The following PTPRN2 variants were observed in gnomAD, a reference collection of about 807,000 sequenced individuals.
The protein encoded by PTPRN2 is protein tyrosine phosphatase receptor type N2.
Under a neutral mutation model 118.8 loss-of-function variants are expected in PTPRN2, and 74 were observed. The ratio of observed to expected loss-of-function variants is 0.62; its 90% CI spans 0.52 to 0.76. PTPRN2 has a LOEUF of 0.76. Among genes scored for constraint, PTPRN2 ranks in the 30% least tolerant of loss-of-function variants. The pLI, the probability that PTPRN2 is intolerant of heterozygous loss-of-function variation, is 0.00. For synonymous variants in PTPRN2, 641 were observed against 608.0 expected (o/e 1.05, Z -0.80); for missense variants, 1,481 against 1,394.4 (o/e 1.06, Z -0.99).
intron 9 of PTPRN2, among the ~76,000 whole-genome samples, chr7:158,131,088 CACAT>C (rs1818212659): frequency 6.7e-6 from 1 of 148,298 alleles, no homozygotes; most frequent in South Asian, 2.2e-4. Context: ...TACACACACG[CACAT>C]ACACAGATAC....
chr7:157,564,498 C>T (rs556984267), intron 21 of PTPRN2, among the ~76,000 whole-genome samples: 9 of 152,274 alleles, frequency 5.9e-5, no homozygotes, highest in East Asian at 5.8e-4. Flanking sequence ...TAAAAAACCC[C>T]GATGTAATGG....
chr7:158,095,545 C>T (rs1227057652), intron 10 of PTPRN2, among the ~76,000 whole-genome samples: 2 of 152,106 alleles, frequency 1.3e-5, no homozygotes, highest in Non-Finnish European at 1.5e-5. Context: ...TGCCCAGGGC[C>T]TCACAGCAAG....
chr7:158,498,332 G>A (rs1290591334), intron 1 of PTPRN2, among the ~76,000 whole-genome samples: 5 of 152,154 alleles, frequency 3.3e-5, no homozygotes, highest in Non-Finnish European at 7.4e-5. Flanking sequence ...CCTTATTTCA[G>A]GTTCCTAATT....
intron 11 of PTPRN2, among the ~76,000 whole-genome samples, chr7:158,046,743 C>T (rs970740117): frequency 6.6e-6 from 1 of 152,166 alleles, no homozygotes; most frequent in East Asian, 1.9e-4. Context: ...CCTTGGCATG[C>T]TCTTGAGTTT....
intron 12 of PTPRN2, chr7:157,864,122 C>T (rs1340356035): frequency 1.3e-5 from 2 of 152,292 alleles, no homozygotes; most frequent in South Asian, 2.1e-4. Context: ...GAAAGCTGCT[C>T]TGAAGATGCA....
rs140997066 is a variant in PTPRN2 at position 157,934,139 on chromosome 7, C to T, written c.1724-35402G>A. Among the ~76,000 whole-genome samples the T allele has an allele frequency of 8.6e-3, 1,304 of 152,306 alleles. 5 individuals carry two copies. Among genetic ancestry groups the T allele is most frequent in the Non-Finnish European group, 0.014 (932 of 68,022 alleles). ...AGGGCACGTGTGCGGATCCATCTTG[C>T]CGCTGGTGACGTTCACTGGTATCAC... On this transcript the variant is annotated intron_variant, in intron 11 of 22. Transcript: ENST00000389418.
chr7:157,957,559 CTATTAA>C (rs1205067954), intron 11 of PTPRN2, among the ~76,000 whole-genome samples: 1 of 151,774 alleles, frequency 6.6e-6, no homozygotes, highest in Non-Finnish European at 1.5e-5. Context: ...TTATCTATTA[CTATTAA>C]TAATTATTAT....
At chr7:157,662,802 C>T (rs760672697) in intron 13 of PTPRN2, among the ~76,000 whole-genome samples, 7 of 152,180 alleles carry the variant, frequency 4.6e-5, no homozygotes, top group Non-Finnish European at 1.0e-4. Context: ...TTTTCCAGGG[C>T]GAGCCTTCTT....
At chr7:158,189,522 G>A (rs1324110665) in intron 5 of PTPRN2, among the ~76,000 whole-genome samples, 1 of 152,176 alleles carries the variant, frequency 6.6e-6, no homozygotes, top group Non-Finnish European at 1.5e-5. Context: ...CCGTGAAGAG[G>A]GCCCTTGGAC....
At chr7:158,128,470 T>C (rs1167909020) in intron 9 of PTPRN2, among the ~76,000 whole-genome samples, 1 of 152,098 alleles carries the variant, frequency 6.6e-6, no homozygotes, top group Non-Finnish European at 1.5e-5. Context: ...CCAAAAGGCA[T>C]GGCCGGCAAA....
In PTPRN2 at chr7:158,040,398, TCACA is replaced by T. The variant is rs61036927; in HGVS notation, c.1723+40896_1723+40899del. On this transcript the variant is annotated intron_variant, in intron 11 of 22. Coordinates refer to ENST00000389418, the MANE Select transcript of PTPRN2 (RefSeq NM_002847.5). Reference sequence around the variant, plus strand: ...ACGTGCATACACATGTGCACACACTTCACACACACACACACACAAACACACTGCA... The same window carrying T: ...ACGTGCATACACATGTGCACACACTTCACACACACACACAAACACACTGCA... Among the ~76,000 whole-genome samples the T allele has an allele frequency of 2.8e-3, 413 of 148,244 alleles. 3 individuals carry two copies. Among genetic ancestry groups the T allele is most frequent in the African/African-American group, 9.1e-3 (370 of 40,730 alleles).
chr7:158,145,612 C>G (rs565221119), intron 6 of PTPRN2, among the ~76,000 whole-genome samples: 7 of 152,344 alleles, frequency 4.6e-5, no homozygotes, highest in Non-Finnish European at 7.3e-5. Flanking sequence ...CCTGGCCAGA[C>G]GCGGCCAGGC....
At chr7:157,562,371 A>G (rs1005593510) in intron 21 of PTPRN2, among the ~76,000 whole-genome samples, 1 of 152,148 alleles carries the variant, frequency 6.6e-6, no homozygotes, top group Non-Finnish European at 1.5e-5. Flanking sequence ...CCGTAGTGCC[A>G]CCTTGGAGCC....
At chr7:157,541,322 C>A (rs1237840062) in intron 22 of PTPRN2, among the ~76,000 whole-genome samples, 2 of 152,266 alleles carry the variant, frequency 1.3e-5, no homozygotes, top group African/African-American at 4.8e-5. Context: ...CTCCGTTCCA[C>A]ATGCTGAGAA....
At chr7:158,008,146 A>T (rs62476655) in intron 11 of PTPRN2, among the ~76,000 whole-genome samples, 2 of 146,162 alleles carry the variant, frequency 1.4e-5, no homozygotes, top group Non-Finnish European at 3.0e-5. Flanking sequence ...CACATGTGTG[A>T]GTGTGTGTGG....
rs149383592 is a variant in PTPRN2 at position 157,947,502 on chromosome 7, G to A, written c.1724-48765C>T. Among the ~76,000 whole-genome samples the A allele has an allele frequency of 2.0e-3, 309 of 152,342 alleles. 3 individuals carry two copies. The highest frequency in any genetic ancestry group is 7.0e-3 in the African/African-American group (290 of 41,582). ...TGAGATGTGGTGGTACCAGGGGGCA[G>A]TATGGATCTTGTTTTCAAAAAACTG... On this transcript the variant is annotated intron_variant, in intron 11 of 22. Coordinates refer to ENST00000389418, the MANE Select transcript of PTPRN2 (RefSeq NM_002847.5).
At chr7:158,478,473 G>C (rs1179514814) in intron 2 of PTPRN2, among the ~76,000 whole-genome samples, 1 of 152,220 alleles carries the variant, frequency 6.6e-6, no homozygotes, top group African/African-American at 2.4e-5. Context: ...GCAGAGGCCC[G>C]CTCTGCGTCT....
At chr7:157,672,169 C>T (rs569196743) in intron 13 of PTPRN2, among the ~76,000 whole-genome samples, 2 of 152,174 alleles carry the variant, frequency 1.3e-5, no homozygotes, top group East Asian at 1.9e-4. Flanking sequence ...GAAAACCCCC[C>T]CTGGAGAAGC....
At chr7:158,321,541 G>A (rs553580757) in intron 2 of PTPRN2, among the ~76,000 whole-genome samples, 27 of 152,212 alleles carry the variant, frequency 1.8e-4, no homozygotes, top group Non-Finnish European at 2.6e-4. Flanking sequence ...TCACCGCACC[G>A]CAGTGGAGGC....
Sources: gnomAD v4.1 joint callset for allele counts (sites outside exome capture counted in the v4.1 genomes callset) on GRCh38, gnomAD v4.1.1 for gene constraint, MANE v1.5 for transcripts, NCBI Gene and HGNC (gene_info 2026-07-23, HGNC 2026-07-21) for gene names.